The following SORCS3 variants were observed in gnomAD, a reference collection of about 807,000 sequenced individuals.
SORCS3 encodes the protein VPS10 domain-containing receptor SorCS3.
SORCS3 carries 57 observed loss-of-function variants against 146.3 expected under a neutral mutation model. That is an observed-to-expected ratio of 0.39 (90% CI 0.31 to 0.49). SORCS3 has a LOEUF of 0.49. SORCS3 is among the 20% of genes least tolerant of loss of function. SORCS3 has a pLI of 0.92. For missense variants in SORCS3, 1,341 were observed against 1,575.5 expected (o/e 0.85, Z 2.52); for synonymous variants, 653 against 618.5 (o/e 1.06, Z -0.83).
chr10:105,142,742 G>C (rs2056104176), intron 8 of SORCS3, among the ~76,000 whole-genome samples: 1 of 151,918 alleles, frequency 6.6e-6, no homozygotes, highest in Non-Finnish European at 1.5e-5. Context: ...ATTCTTTTCT[G>C]CCTTCACTTC....
intron 1 of SORCS3, among the ~76,000 whole-genome samples, chr10:104,748,038 G>A (rs1462894855): frequency 6.6e-6 from 1 of 152,252 alleles, no homozygotes. Flanking sequence ...CCTTAGAGCA[G>A]TAGCTAGCAT....
At chr10:105,092,189 C>G (rs914381605) in intron 6 of SORCS3, among the ~76,000 whole-genome samples, 3 of 152,154 alleles carry the variant, frequency 2.0e-5, no homozygotes, top group Non-Finnish European at 4.4e-5. Flanking sequence ...TGCAGGACTT[C>G]CGTGAAATTT....
intron 5 of SORCS3, among the ~76,000 whole-genome samples, chr10:105,060,884 C>T (rs2055481335): frequency 6.6e-6 from 1 of 151,596 alleles, no homozygotes; most frequent in Non-Finnish European, 1.5e-5. Context: ...TTGTGGTGAG[C>T]TGAGATCACG....
At chr10:105,232,385 G>A (rs1258654278) in intron 20 of SORCS3, among the ~76,000 whole-genome samples, 1 of 151,878 alleles carries the variant, frequency 6.6e-6, no homozygotes, top group Non-Finnish European at 1.5e-5. Flanking sequence ...TTGTAGTGAT[G>A]TCCCCTCTTT....
intron 2 of SORCS3, among the ~76,000 whole-genome samples, chr10:104,854,269 C>A (rs1009538690): frequency 6.6e-6 from 1 of 152,154 alleles, no homozygotes; most frequent in Non-Finnish European, 1.5e-5. Flanking sequence ...CCCATCCCCA[C>A]ACTAAGAGAT....
At chr10:104,653,825 T>TAAA (rs1488845109) in intron 1 of SORCS3, among the ~76,000 whole-genome samples, 3 of 152,202 alleles carry the variant, frequency 2.0e-5, no homozygotes, top group Non-Finnish European at 4.4e-5. Flanking sequence ...TATACTCTTT[T>TAAA]AGTTATTTTA....
intron 1 of SORCS3, among the ~76,000 whole-genome samples, chr10:104,811,059 T>C (rs2017735140): frequency 6.6e-6 from 1 of 152,044 alleles, no homozygotes; most frequent in South Asian, 2.1e-4. Flanking sequence ...GAACTTAAAA[T>C]CCAGGGAAAG....
At chr10:104,724,272 ATTCTT>A (rs1371888643) in intron 1 of SORCS3, among the ~76,000 whole-genome samples, 1 of 152,132 alleles carries the variant, frequency 6.6e-6, no homozygotes, top group Non-Finnish European at 1.5e-5. Context: ...CGGGTTGAAA[ATTCTT>A]TTCTTTAAGA....
chr10:104,980,294 A>C (rs2133653423), intron 4 of SORCS3, among the ~76,000 whole-genome samples: 1 of 152,334 alleles, frequency 6.6e-6, no homozygotes, highest in African/African-American at 2.4e-5. Context: ...GTTTCTAACC[A>C]GTGCTTGGCC....
chr10:105,169,356 T>A lies in SORCS3; in HGVS notation c.1901+2007T>A, dbSNP rs983370433. Among the ~76,000 whole-genome samples, 19 of 152,070 alleles carry A rather than the reference T, an allele frequency of 1.2e-4. 1 individual carries two copies. Among genetic ancestry groups the A allele is most frequent in the Admixed American group, 5.2e-4 (8 of 15,262 alleles). On this transcript the variant is annotated intron_variant, in intron 13 of 26. Transcript: ENST00000369701. ...CATGTGTGACTAGAAGTGAAAGCAA[T>A]GTCTGCTAAAGGATGCCAGCTGTGT...
chr10:105,225,284 A>G (rs897329963), intron 20 of SORCS3, among the ~76,000 whole-genome samples: 36 of 151,724 alleles, frequency 2.4e-4, no homozygotes, highest in African/African-American at 7.5e-4. Context: ...ACCTAGATTC[A>G]TTTTTTTTGG....
At chr10:104,984,765 A>G (rs1020104109) in intron 4 of SORCS3, among the ~76,000 whole-genome samples, 5 of 152,208 alleles carry the variant, frequency 3.3e-5, no homozygotes, top group Admixed American at 6.5e-5. Flanking sequence ...ATATCACAAT[A>G]TAGCAAGTCA....
chr10:104,908,234 C>G (rs897912226), intron 2 of SORCS3, among the ~76,000 whole-genome samples: 5 of 152,212 alleles, frequency 3.3e-5, no homozygotes, highest in Admixed American at 3.3e-4. Flanking sequence ...TTTTGATTCT[C>G]CAGGCAACTG....
chr10:104,763,286 T>C lies in SORCS3; in HGVS notation c.628-79506T>C, dbSNP rs573846048. ...TACTTATGAAAACTAAAGACAGTTA[T>C]AGGCACACAGCTGTGCCCAATCAAC... On this transcript the variant is annotated intron_variant, in intron 1 of 26. Coordinates refer to ENST00000369701, the MANE Select transcript of SORCS3 (RefSeq NM_014978.3). Among the ~76,000 whole-genome samples the C allele has an allele frequency of 5.3e-5, 8 of 152,334 alleles. No homozygotes were observed. The South Asian group carries it at 8.3e-4, about 16-fold the overall frequency.
intron 5 of SORCS3, among the ~76,000 whole-genome samples, chr10:105,043,768 C>A (rs2133704936): frequency 6.6e-6 from 1 of 152,252 alleles, no homozygotes; most frequent in Non-Finnish European, 1.5e-5. Flanking sequence ...TCCTTCAGAA[C>A]TACCTCTGTA....
intron 4 of SORCS3, among the ~76,000 whole-genome samples, chr10:105,028,099 T>C (rs2055242695): frequency 6.6e-6 from 1 of 152,170 alleles, no homozygotes; most frequent in South Asian, 2.1e-4. Context: ...CTACCACAAA[T>C]AATGAGACTC....
Position 104,807,213 on chromosome 10 carries a change from G to A in SORCS3, c.628-35579G>A, listed in dbSNP as rs542288548. Among the ~76,000 whole-genome samples, 12 of 150,810 alleles carry A rather than the reference G, an allele frequency of 8.0e-5. No individual in the cohort carries two copies. The South Asian group carries it at 1.3e-3, about 16-fold the overall frequency. Reference sequence around the variant, plus strand: ...TGTGTGTGCGCATGTGTGTGTGTGCGTGTGTGTGCATGCATGCGTGCGCAT... The same window carrying A: ...TGTGTGTGCGCATGTGTGTGTGTGCATGTGTGTGCATGCATGCGTGCGCAT... On this transcript the variant is annotated intron_variant, in intron 1 of 26. Coordinates refer to ENST00000369701, the MANE Select transcript of SORCS3 (RefSeq NM_014978.3).
intron 3 of SORCS3, among the ~76,000 whole-genome samples, chr10:104,965,259 C>T (rs530496873): frequency 7.2e-5 from 11 of 152,250 alleles, no homozygotes; most frequent in South Asian, 4.1e-4. Context: ...AGAATAGTCA[C>T]GCCAATTTAT....
intron 22 of SORCS3, among the ~76,000 whole-genome samples, chr10:105,251,557 G>A (rs1438663449): frequency 3.9e-5 from 6 of 152,090 alleles, no homozygotes; most frequent in African/African-American, 1.4e-4. Context: ...AGGCTAAGGT[G>A]GAGATCACTG....
Sources: gnomAD v4.1 joint callset for allele counts (sites outside exome capture counted in the v4.1 genomes callset) on GRCh38, gnomAD v4.1.1 for gene constraint, MANE v1.5 for transcripts, NCBI Gene and HGNC (gene_info 2026-07-23, HGNC 2026-07-21) for gene names.